SCHIP1: variants seen among roughly 807,000 people sequenced by gnomAD.
The protein encoded by SCHIP1 is schwannomin-interacting protein 1.
A neutral mutation model predicts 29.7 loss-of-function variants in SCHIP1; 8 were observed. The ratio of observed to expected loss-of-function variants is 0.27; its 90% CI spans 0.16 to 0.49. The LOEUF (loss-of-function observed/expected upper bound fraction) is 0.49. Among genes scored for constraint, SCHIP1 ranks in the 20% least tolerant of loss-of-function variants. SCHIP1 has a pLI of 0.99. For missense variants in SCHIP1, 193 were observed against 294.6 expected (o/e 0.66, Z 2.52); for synonymous variants, 76 against 94.9 (o/e 0.80, Z 1.16).
the SCHIP1 span, among the ~76,000 whole-genome samples, chr3:159,359,757 CAGAA>C: frequency 1.3e-5 from 2 of 152,136 alleles, no homozygotes; most frequent in South Asian, 4.1e-4. Context: ...ATAATCAAAA[CAGAA>C]GGAAGCTCAT....
chr3:159,668,171 C>A, the SCHIP1 span, among the ~76,000 whole-genome samples: 1 of 152,050 alleles, frequency 6.6e-6, no homozygotes, highest in Non-Finnish European at 1.5e-5. Flanking sequence ...AGATTGAGAC[C>A]ATCCTGGCTA....
the SCHIP1 span, among the ~76,000 whole-genome samples, chr3:159,404,496 G>A: frequency 1.2e-4 from 18 of 152,330 alleles, no homozygotes; most frequent in South Asian, 3.3e-3. Flanking sequence ...TAGTAGTCAG[G>A]AAGTACTTGT....
the SCHIP1 span, chr3:159,274,214 G>A: frequency 1.0e-6 from 1 of 985,206 alleles, no homozygotes; most frequent in East Asian, 1.1e-4. Context: ...AGTTCCAAAT[G>A]TACAATCTGT....
At chr3:159,457,072 C>T in the SCHIP1 span, among the ~76,000 whole-genome samples, 2 of 152,194 alleles carry the variant, frequency 1.3e-5, no homozygotes, top group South Asian at 4.1e-4. Context: ...CAAAAGCTTG[C>T]ATATGCCATT....
the SCHIP1 span, among the ~76,000 whole-genome samples, chr3:159,510,784 A>C: frequency 6.6e-6 from 1 of 152,196 alleles, no homozygotes; most frequent in African/African-American, 2.4e-5. Context: ...AGAACAGTGA[A>C]TATTGCTGAA....
chr3:159,788,458 C>T, the SCHIP1 span, among the ~76,000 whole-genome samples: 5 of 152,148 alleles, frequency 3.3e-5, no homozygotes, highest in African/African-American at 1.2e-4. Context: ...AAATTAAATA[C>T]AGAGACACTC....
chr3:159,896,589 AC>A, intron 6 of SCHIP1, 133 bp from the exon 8 acceptor site: 1 of 751,464 alleles, frequency 1.3e-6, no homozygotes, highest in Non-Finnish European at 1.9e-6. Flanking sequence ...TGAATAAGGT[AC>A]TTTTTCTTGA....
the SCHIP1 span, among the ~76,000 whole-genome samples, chr3:159,733,213 C>T: frequency 2.7e-4 from 41 of 152,284 alleles, no homozygotes; most frequent in East Asian, 7.7e-3. Flanking sequence ...TTTACTAACT[C>T]AGCTTCTTGA....
At chr3:159,426,072 T>C in the SCHIP1 span, among the ~76,000 whole-genome samples, 1 of 151,888 alleles carries the variant, frequency 6.6e-6, no homozygotes, top group Non-Finnish European at 1.5e-5. Context: ...TAGCACTAAA[T>C]GCCCACAAGA....
the SCHIP1 span, among the ~76,000 whole-genome samples, chr3:159,693,499 G>A: frequency 1.3e-5 from 2 of 152,168 alleles, no homozygotes; most frequent in Non-Finnish European, 2.9e-5. Context: ...ATATGTAATT[G>A]AGCTTCCACT....
At chr3:159,396,535 G>A in the SCHIP1 span, among the ~76,000 whole-genome samples, 1 of 148,184 alleles carries the variant, frequency 6.7e-6, no homozygotes, top group Non-Finnish European at 1.5e-5. Flanking sequence ...AAATCTCTCA[G>A]CATTTGCTTG....
the SCHIP1 span, among the ~76,000 whole-genome samples, chr3:159,361,663 A>G: frequency 2.0e-5 from 3 of 152,350 alleles, no homozygotes; most frequent in South Asian, 6.2e-4. Context: ...GCAGGGAATC[A>G]ACTGCAGTAA....
At chr3:159,597,427 A>G in the SCHIP1 span, among the ~76,000 whole-genome samples, 1 of 152,002 alleles carries the variant, frequency 6.6e-6, no homozygotes, top group South Asian at 2.1e-4. Flanking sequence ...ATTTCTATTC[A>G]TGTTCCCCCC....
chr3:159,677,400 G>A, the SCHIP1 span, among the ~76,000 whole-genome samples: 5 of 152,220 alleles, frequency 3.3e-5, no homozygotes, highest in Admixed American at 2.6e-4. Context: ...TGCAGACAAC[G>A]CCCCATGGTT....
At chr3:159,591,101 T>G in the SCHIP1 span, among the ~76,000 whole-genome samples, 1 of 152,162 alleles carries the variant, frequency 6.6e-6, no homozygotes, top group East Asian at 1.9e-4. Context: ...TTTTGCACCC[T>G]AGTAAAGACC....
chr3:159,766,085 A>G, the SCHIP1 span, among the ~76,000 whole-genome samples: 1 of 152,208 alleles, frequency 6.6e-6, no homozygotes, highest in South Asian at 2.1e-4. Context: ...CTTTGAGATA[A>G]AGCAACAGTT....
At chr3:159,819,817 C>A in the SCHIP1 span, among the ~76,000 whole-genome samples, 1,993 of 152,324 alleles carry the variant, frequency 0.013, 41 homozygotes, top group African/African-American at 0.045. Context: ...CTAAGGGAAG[C>A]CACCAGGTGG....
the SCHIP1 span, among the ~76,000 whole-genome samples, chr3:159,489,307 A>G: frequency 3.9e-5 from 6 of 152,208 alleles, no homozygotes; most frequent in Admixed American, 3.9e-4. Context: ...CTAAGCCAGA[A>G]ACATTTATTT....
At chr3:159,828,397 GTATATATATACGTATATATACGTA>G in the SCHIP1 span, among the ~76,000 whole-genome samples, 1 of 87,528 alleles carries the variant, frequency 1.1e-5, no homozygotes, top group Non-Finnish European at 2.3e-5. Flanking sequence ...ACATATATAC[GTATATATATACGTATATATACGTA>G]TATATATACG....
Sources: allele counts gnomAD v4.1 joint callset (sites outside exome capture counted in the v4.1 genomes callset), GRCh38; gene constraint gnomAD v4.1.1; transcripts MANE v1.5; gene names NCBI Gene and HGNC (gene_info 2026-07-23, HGNC 2026-07-21).